The following AGAP1 variants were observed in gnomAD, a reference collection of about 807,000 sequenced individuals.
AGAP1 encodes the protein arf-GAP with GTPase, ANK repeat and PH domain-containing protein 1.
A neutral mutation model predicts 105.3 loss-of-function variants in AGAP1; 29 were observed. That is an observed-to-expected ratio of 0.28 (90% CI 0.21 to 0.38). The LOEUF (loss-of-function observed/expected upper bound fraction) is 0.38. Among genes scored for constraint, AGAP1 ranks in the 10% least tolerant of loss-of-function variants. The pLI is 1.00. For missense variants in AGAP1, 998 were observed against 1,165.1 expected, an observed-to-expected ratio of 0.86 and a Z score of 2.09; for synonymous variants, 509 against 485.9, an observed-to-expected ratio of 1.05 and a Z score of -0.63.
At chr2:235,603,235 C>CT (rs1945795750) in intron 1 of AGAP1, among the ~76,000 whole-genome samples, 1 of 144,924 alleles carries the variant, frequency 6.9e-6, no homozygotes, top group Non-Finnish European at 1.6e-5. Flanking sequence ...TCTTGCCTGC[C>CT]GCCATGTAAG....
intron 12 of AGAP1, among the ~76,000 whole-genome samples, chr2:235,966,872 G>A (rs1414459150): frequency 6.6e-6 from 1 of 152,168 alleles, no homozygotes; most frequent in African/African-American, 2.4e-5. Context: ...ACATCAGGGT[G>A]TTCTTGGGAC....
chr2:235,808,524 T>G (rs1257292668), intron 9 of AGAP1, among the ~76,000 whole-genome samples: 1 of 152,092 alleles, frequency 6.6e-6, no homozygotes, highest in Non-Finnish European at 1.5e-5. Flanking sequence ...GCATCTTGGG[T>G]GAGACCAGAG....
intron 1 of AGAP1, among the ~76,000 whole-genome samples, chr2:235,498,140 G>A (rs983696686): frequency 6.6e-6 from 1 of 152,142 alleles, no homozygotes; most frequent in African/African-American, 2.4e-5. Flanking sequence ...ACATATTTTA[G>A]TTGAAAGGCC....
At chr2:235,522,730 G>T (rs2149054037) in intron 1 of AGAP1, among the ~76,000 whole-genome samples, 1 of 152,326 alleles carries the variant, frequency 6.6e-6, no homozygotes, top group East Asian at 1.9e-4. Context: ...CAAGATGGGA[G>T]TAAGGGAGGA....
rs1190170859 is a variant in AGAP1 at position 235,960,118 on chromosome 2, G to A, written c.1484-8344G>A. 6.6e-6 allele frequency among the ~76,000 whole-genome samples: 1 copy of A among 152,192 alleles called. No individual in the cohort carries two copies. The highest frequency in any genetic ancestry group is 1.9e-4 in the East Asian group (1 of 5,178). On this transcript the variant is annotated intron_variant, in intron 12 of 17. Transcript: ENST00000304032. The surrounding 1 kb of genome is among the most constrained non-coding windows in gnomAD (Gnocchi z 4.9). The stretch of plus-strand genomic sequence containing the variant: ...CTCCATGCCTCCAAATGGGGGCGGG[G>A]AGGGTGCTTGCGGACCCACCCTGGA...
Position 236,119,594 on chromosome 2 carries a change from C to A in AGAP1, c.2115-598C>A, listed in dbSNP as rs1313783096. ...TCCCTTCCCCCCACCCCCGGCCCAG[C>A]TCCAGCCAAGTGTCCTATAGCCCTC... On this transcript the variant is annotated intron_variant, in intron 16 of 17. Transcript: ENST00000304032. The surrounding 1 kb of genome is among the most constrained non-coding windows in gnomAD (Gnocchi z 6.6). Among the ~76,000 whole-genome samples, 2 of 144,146 alleles carry A rather than the reference C, an allele frequency of 1.4e-5. No homozygotes were observed. The highest frequency in any genetic ancestry group is 5.0e-5 in the African/African-American group (2 of 39,724). The allele number at this position is 144,146 out of a possible 152,430, so 94.6% of individuals were successfully genotyped here.
chr2:235,708,241 A>G (rs1329447775), intron 1 of AGAP1, among the ~76,000 whole-genome samples: 1 of 152,114 alleles, frequency 6.6e-6, no homozygotes, highest in Non-Finnish European at 1.5e-5. Context: ...GGAAAGAGCT[A>G]TTTTTCTATC....
rs1461108035 is a variant in AGAP1 at position 235,883,821 on chromosome 2, A to T, written c.1155+372A>T. 6.6e-6 allele frequency among the ~76,000 whole-genome samples: 1 copy of T among 152,238 alleles called. No homozygotes were observed. The highest frequency in any genetic ancestry group is 1.9e-4 in the East Asian group (1 of 5,204). On this transcript the variant is annotated intron_variant, in intron 10 of 17. Coordinates refer to ENST00000304032, the MANE Select transcript of AGAP1 (RefSeq NM_001037131.3). This position sits in a 1 kb window ranked among gnomAD's most constrained non-coding sequence, Gnocchi z 4.5. ...GGAAACAATTACATTTGAACCCAGG[A>T]TTTAGCTTTGAAAAGCTGTGAACAA...
rs959590426 is a variant in AGAP1, at chr2:235,552,098, T to A, written c.163+57249T>A. Among the ~76,000 whole-genome samples the A allele has an allele frequency of 6.6e-6, 1 of 152,150 alleles. No individual in the cohort carries two copies. The highest frequency in any genetic ancestry group is 2.4e-5 in the African/African-American group (1 of 41,438). Reference sequence around the variant, plus strand: ...GTGTGCTTGGCTGTTCAGTGCCCCATAACTGGCCGCGGTACTGCCACCCGC... The same window carrying A: ...GTGTGCTTGGCTGTTCAGTGCCCCAAAACTGGCCGCGGTACTGCCACCCGC... On this transcript the variant is annotated intron_variant, in intron 1 of 17. Coordinates refer to ENST00000304032, the MANE Select transcript of AGAP1 (RefSeq NM_001037131.3). The surrounding 1 kb of genome is among the most constrained non-coding windows in gnomAD (Gnocchi z 5.9).
chr2:236,123,830 C>T lies in AGAP1; in HGVS notation c.2371-89C>T. ...GCTGGCCCCGCTGTCCAAGCACAAGCCACATGCAAGGGCTGAGAGAAAGCT... is the reference window on the plus strand; with the variant it reads ...GCTGGCCCCGCTGTCCAAGCACAAGTCACATGCAAGGGCTGAGAGAAAGCT... On this transcript the variant is annotated intron_variant, in intron 17 of 17. Coordinates refer to ENST00000304032, the MANE Select transcript of AGAP1 (RefSeq NM_001037131.3). The surrounding 1 kb of genome is among the most constrained non-coding windows in gnomAD (Gnocchi z 4.6). 1 of 1,512,532 alleles carries T rather than the reference C, an allele frequency of 6.6e-7. No homozygotes were observed. The highest frequency in any genetic ancestry group is 9.0e-7 in the Non-Finnish European group (1 of 1,107,654). The allele number at this position is 1,512,532 out of a possible 1,614,324, so 93.7% of individuals were successfully genotyped here.
At chr2:235,920,175 A>G (rs1013177261) in intron 11 of AGAP1, among the ~76,000 whole-genome samples, 1 of 152,190 alleles carries the variant, frequency 6.6e-6, no homozygotes, top group Non-Finnish European at 1.5e-5. Flanking sequence ...TCTGTTATGT[A>G]GAACTGTGTG....
At position 236,121,248 on chromosome 2, in the gene AGAP1, A is replaced by G. The variant is rs543123759; in HGVS notation, c.2370+801A>G. Among the ~76,000 whole-genome samples the G allele has an allele frequency of 6.6e-6, 1 of 152,360 alleles. No homozygotes were observed. The highest frequency in any genetic ancestry group is 2.4e-5 in the African/African-American group (1 of 41,596). ...TCAGTCCAGCACAGCAGCACGTTCTACAGCAGCATGGGTAGAGTGCAGCAG... is the reference window on the plus strand; with the variant it reads ...TCAGTCCAGCACAGCAGCACGTTCTGCAGCAGCATGGGTAGAGTGCAGCAG... On this transcript the variant is annotated intron_variant, in intron 17 of 17. Coordinates refer to ENST00000304032, the MANE Select transcript of AGAP1 (RefSeq NM_001037131.3). This position sits in a 1 kb window ranked among gnomAD's most constrained non-coding sequence, Gnocchi z 4.9.
rs1946063225 is a variant in AGAP1 at position 235,609,687 on chromosome 2, C to G, written c.164-99492C>G. 6.6e-6 allele frequency among the ~76,000 whole-genome samples: 1 copy of G among 152,096 alleles called. No individual in the cohort carries two copies. Among genetic ancestry groups the G allele is most frequent in the Admixed American group, 6.5e-5 (1 of 15,268 alleles). ...ATCCTTATGGTAAACGTCCCTGGTT[C>G]TGTACCGGAGGAACAGGAGCTCTGG... is the stretch of plus-strand genomic sequence containing the variant. On this transcript the variant is annotated intron_variant, in intron 1 of 17. Coordinates refer to ENST00000304032, the MANE Select transcript of AGAP1 (RefSeq NM_001037131.3). The surrounding 1 kb of genome is among the most constrained non-coding windows in gnomAD (Gnocchi z 5.1).
intron 1 of AGAP1, among the ~76,000 whole-genome samples, chr2:235,626,994 G>A (rs1946659129): frequency 6.6e-6 from 1 of 151,708 alleles, no homozygotes; most frequent in African/African-American, 2.4e-5. Flanking sequence ...TAGATATGTT[G>A]GGTTTATTTT....
rs575835610 is a variant in AGAP1, at chr2:235,744,279, G to T, written c.397-419G>T. Among the ~76,000 whole-genome samples the T allele has an allele frequency of 6.6e-6, 1 of 152,192 alleles. No individual in the cohort carries two copies. Among genetic ancestry groups the T allele is most frequent in the African/African-American group, 2.4e-5 (1 of 41,458 alleles). On this transcript the variant is annotated intron_variant, in intron 4 of 17. Coordinates refer to ENST00000304032, the MANE Select transcript of AGAP1 (RefSeq NM_001037131.3). This position sits in a 1 kb window ranked among gnomAD's most constrained non-coding sequence, Gnocchi z 5.2. ...GAGCAGGCATGAGGGGTCCAGCAAG[G>T]CTTCCTTAAGAGGTTGAGAGTACAG...
chr2:236,007,610 T>A (rs1413069898), intron 13 of AGAP1, among the ~76,000 whole-genome samples: 1 of 152,220 alleles, frequency 6.6e-6, no homozygotes, highest in Non-Finnish European at 1.5e-5. Flanking sequence ...AAAAACAATT[T>A]TTTTGGAATT....
Position 236,008,919 on chromosome 2 carries a change from C to G in AGAP1, c.1646-27642C>G, listed in dbSNP as rs1017134697. Among the ~76,000 whole-genome samples, 4 of 152,310 alleles carry G rather than the reference C, an allele frequency of 2.6e-5. No homozygotes were observed. In the South Asian group the frequency reaches 6.2e-4, roughly 24 times the overall value. ...GTGTTTTATCTTCTGTGTTTTGTGG[C>G]TCCAAATTACGAAGACTGTTGGCCT... On this transcript the variant is annotated intron_variant, in intron 13 of 17. Coordinates refer to ENST00000304032, the MANE Select transcript of AGAP1 (RefSeq NM_001037131.3).
chr2:235,560,273 C>G (rs1211541179), intron 1 of AGAP1, among the ~76,000 whole-genome samples: 1 of 152,134 alleles, frequency 6.6e-6, no homozygotes, highest in Non-Finnish European at 1.5e-5. Context: ...TTCATATCAG[C>G]ATGCTTAGAT....
chr2:235,639,169 A>C lies in AGAP1; in HGVS notation c.164-70010A>C, dbSNP rs1429574703. On this transcript the variant is annotated intron_variant, in intron 1 of 17. Transcript: ENST00000304032. This position sits in a 1 kb window ranked among gnomAD's most constrained non-coding sequence, Gnocchi z 5.3. The stretch of plus-strand genomic sequence containing the variant: ...GGGCATGGGGAATTGGACGGATGAT[A>C]GTGGCCCACAGGTTGAGAGAGGGGA... Among the ~76,000 whole-genome samples, 1 of 152,112 alleles carries C rather than the reference A, an allele frequency of 6.6e-6. No homozygotes were observed. Among genetic ancestry groups the C allele is most frequent in the East Asian group, 1.9e-4 (1 of 5,176 alleles).
Sources: gnomAD v4.1 joint callset for allele counts (sites outside exome capture counted in the v4.1 genomes callset) on GRCh38, gnomAD v4.1.1 for gene constraint, Gnocchi (gnomAD v3.1) non-coding constraint, MANE v1.5 for transcripts, NCBI Gene and HGNC (gene_info 2026-07-23, HGNC 2026-07-21) for gene names.